The following ERAP1 variants were observed in gnomAD, a reference collection of about 807,000 sequenced individuals.
The protein encoded by ERAP1 is endoplasmic reticulum aminopeptidase 1.
A neutral mutation model predicts 103.7 loss-of-function variants in ERAP1; 86 were observed. The observed-to-expected ratio is 0.83, with a 90% CI of 0.70 to 0.99. The LOEUF (loss-of-function observed/expected upper bound fraction) is 0.99. Ranked by LOEUF, ERAP1 falls within the 50% of genes least tolerant of loss-of-function variation. The probability of loss-of-function intolerance (pLI) is 0.00; values close to 1 mark genes in which losing one functional copy is unlikely to be tolerated. For synonymous variants in ERAP1, 398 were observed against 402.4 expected (o/e 0.99, Z 0.13); for missense variants, 1,009 against 1,128.4 (o/e 0.89, Z 1.52).
chr5:96,776,435 G>A lies in ERAP1; in HGVS notation c.2787C>T (p.Ile929=), dbSNP rs146333496. The A allele has an allele frequency of 5.1e-4, 824 of 1,613,840 alleles. 4 individuals carry two copies. The African/African-American group carries it at 0.01, about 20-fold the overall frequency. Residue 929 remains isoleucine, a synonymous_variant, in exon 19 of 19, where the codon ATC becomes ATT. Coordinates refer to ENST00000443439, the MANE Select transcript of ERAP1 (RefSeq NM_001040458.3). ...GCTTTTCACTTTGCAGCCACACTCT[G>A]ATTTTATCAAAATTCTTATCCATCC... ...IGWMDKNFDK[I]RVWLQSEKLE...
the ERAP1 span, chr5:96,886,783 G>C: frequency 7.4e-6 from 11 of 1,494,062 alleles, no homozygotes; most frequent in Non-Finnish European, 1.0e-5. Context: ...CTTCATCAGG[G>C]GTCAAGGTGA....
chr5:96,828,934 A>G, the ERAP1 span, among the ~76,000 whole-genome samples: 1 of 151,690 alleles, frequency 6.6e-6, no homozygotes, highest in Non-Finnish European at 1.5e-5. Flanking sequence ...GCAACCTCTG[A>G]CTCCCTTGTT....
At chr5:96,905,852 ACT>A in the ERAP1 span, among the ~76,000 whole-genome samples, 18 of 152,110 alleles carry the variant, frequency 1.2e-4, no homozygotes, top group African/African-American at 4.1e-4. Flanking sequence ...ACCGAATAAT[ACT>A]CTGTCTCAAA....
chr5:96,786,191 A>C (rs927759627), intron 12 of ERAP1, among the ~76,000 whole-genome samples: 3 of 152,248 alleles, frequency 2.0e-5, no homozygotes, highest in Non-Finnish European at 4.4e-5. Context: ...CTATGAAAAG[A>C]ATGGCAACTA....
the ERAP1 span, among the ~76,000 whole-genome samples, chr5:96,877,683 C>A: frequency 6.6e-4 from 101 of 152,324 alleles, no homozygotes; most frequent in South Asian, 4.6e-3. Flanking sequence ...GCGTTGGAAT[C>A]TGGGCACTCT....
chr5:96,807,690 C>G (rs1467046380), intron 1 of ERAP1, among the ~76,000 whole-genome samples, 170 bp downstream of exon 1: 1 of 149,482 alleles, frequency 6.7e-6, no homozygotes, highest in Non-Finnish European at 1.5e-5. Flanking sequence ...GCCTTCCTCC[C>G]GCGCCCCGTC....
chr5:96,912,261 T>C, the ERAP1 span, among the ~76,000 whole-genome samples: 1 of 148,050 alleles, frequency 6.8e-6, no homozygotes, highest in Admixed American at 6.9e-5. Flanking sequence ...CAAGTAATCA[T>C]CTTTAAAAAA....
chr5:96,763,352 G>C, intron 19 of ERAP1: 1 of 737,170 alleles, frequency 1.4e-6, no homozygotes, highest in Non-Finnish European at 2.5e-6. Flanking sequence ...CCGTGTGTGT[G>C]TATGTGCATG....
At chr5:96,788,318 C>T (rs1056931380) in intron 11 of ERAP1, among the ~76,000 whole-genome samples, 1 of 152,010 alleles carries the variant, frequency 6.6e-6, no homozygotes, top group African/African-American at 2.4e-5. Context: ...GTAATTACAT[C>T]GTCACCTTTA....
chr5:96,790,387 A>G lies in ERAP1; in HGVS notation c.1453-20T>C. 8.1e-6 allele frequency: 13 copies of G among 1,612,362 alleles called. No individual in the cohort carries two copies. The highest frequency in any genetic ancestry group is 1.1e-5 in the Non-Finnish European group (13 of 1,178,490). ...GCAAATCTAAAAACCAAAAATAAAC[A>G]CATCACTCTTATTTCTATAGAAAAC... On this transcript the variant is annotated intron_variant, in intron 9 of 18. Transcript: ENST00000443439.
chr5:96,877,263 C>T, the ERAP1 span, among the ~76,000 whole-genome samples: 6 of 152,238 alleles, frequency 3.9e-5, no homozygotes, highest in Admixed American at 3.9e-4. Flanking sequence ...ACCTGAGTCA[C>T]TGTGCCCGGT....
At chr5:96,774,480 C>G (rs1773605838), downstream of ERAP1, 3 of 984,004 alleles carry the variant, frequency 3.0e-6, no homozygotes, top group South Asian at 1.4e-4. Context: ...TTGCAAATAT[C>G]CACTTAGAGG....
the ERAP1 span, chr5:96,901,520 G>A: frequency 8.1e-6 from 13 of 1,613,018 alleles, no homozygotes; most frequent in Non-Finnish European, 1.1e-5. Flanking sequence ...CCTTTCTGGG[G>A]GAAAATGCAG....
At chr5:96,810,719 T>C (rs1779103406), upstream of ERAP1, among the ~76,000 whole-genome samples, 2 of 152,254 alleles carry the variant, frequency 1.3e-5, no homozygotes, top group Admixed American at 6.5e-5. Context: ...ATGAAATACA[T>C]ACCACTTTGA....
chr5:96,788,427 T>C (rs1776339692), intron 11 of ERAP1, 104 bp downstream of exon 11: 3 of 1,376,544 alleles, frequency 2.2e-6, no homozygotes, highest in East Asian at 4.6e-5. Flanking sequence ...GCAGCTGAAA[T>C]ATTTTAGCAA....
chr5:96,764,333 A>C (rs1200936550), intron 19 of ERAP1, among the ~76,000 whole-genome samples: 1 of 152,228 alleles, frequency 6.6e-6, no homozygotes, highest in Non-Finnish European at 1.5e-5. Flanking sequence ...AAGGAAACTG[A>C]AGCTGAAAGG....
the ERAP1 span, among the ~76,000 whole-genome samples, chr5:96,898,267 G>A: frequency 6.6e-6 from 1 of 151,894 alleles, no homozygotes; most frequent in Admixed American, 6.6e-5. Context: ...GCACTTTCAT[G>A]TTGATTATCT....
chr5:96,874,136 G>GAAAGAAAGAAAGAA, the ERAP1 span, among the ~76,000 whole-genome samples: 11 of 118,784 alleles, frequency 9.3e-5, no homozygotes, highest in Non-Finnish European at 1.4e-4. Flanking sequence ...GAAAGAGAGA[G>GAAAGAAAGAAAGAA]AGAAAGAAAG....
chr5:96,822,891 G>A, the ERAP1 span: 1 of 356,050 alleles, frequency 2.8e-6, no homozygotes, highest in Non-Finnish European at 5.6e-6. Flanking sequence ...TCTCCTTAGG[G>A]TCACATGAGG....
Sources: allele counts gnomAD v4.1 joint callset (sites outside exome capture counted in the v4.1 genomes callset), GRCh38; gene constraint gnomAD v4.1.1; transcripts MANE v1.5; gene names NCBI Gene and HGNC (gene_info 2026-07-23, HGNC 2026-07-21).